Variants in ERAP1 observed in about 807,000 individuals in gnomAD.
ERAP1 encodes the protein adipocyte-derived leucine aminopeptidase.
ERAP1 carries 86 observed loss-of-function variants against 103.7 expected under a neutral mutation model. That is an observed-to-expected ratio of 0.83 (90% CI 0.70 to 0.99). ERAP1 has a LOEUF of 0.99. Ranked by LOEUF, ERAP1 falls within the 50% of genes least tolerant of loss-of-function variation. The pLI, the probability that ERAP1 is intolerant of heterozygous loss-of-function variation, is 0.00. For synonymous variants in ERAP1, 398 were observed against 402.4 expected (o/e 0.99, Z 0.13); for missense variants, 1,009 against 1,128.4 (o/e 0.89, Z 1.52).
chr5:96,814,205 G>C, the ERAP1 span: 1 of 455,670 alleles, frequency 2.2e-6, no homozygotes, highest in South Asian at 1.6e-5. Context: ...CTATCGGATT[G>C]AGAACCTCAG....
chr5:96,784,353 G>A (rs1775688850), intron 13 of ERAP1, among the ~76,000 whole-genome samples: 1 of 152,114 alleles, frequency 6.6e-6, no homozygotes, highest in Non-Finnish European at 1.5e-5. Context: ...AAAATAGGCA[G>A]GCATGGTGGC....
chr5:96,920,989 A>G, the ERAP1 span, among the ~76,000 whole-genome samples: 1 of 152,252 alleles, frequency 6.6e-6, no homozygotes, highest in Non-Finnish European at 1.5e-5. Context: ...ACCAGATGTT[A>G]AACTCTGATC....
the ERAP1 span, among the ~76,000 whole-genome samples, chr5:96,922,851 T>A: frequency 6.6e-6 from 1 of 152,254 alleles, no homozygotes; most frequent in Non-Finnish European, 1.5e-5. Flanking sequence ...CAACTACTAA[T>A]CAAAGCGCAT....
chr5:96,782,136 G>A (rs1187553225), intron 15 of ERAP1, among the ~76,000 whole-genome samples: 6 of 150,666 alleles, frequency 4.0e-5, no homozygotes, highest in Middle Eastern at 3.4e-3. Context: ...TCAGCCTCCC[G>A]AGTAGCTGGG....
At chr5:96,921,040 TG>T in the ERAP1 span, among the ~76,000 whole-genome samples, 98 of 152,384 alleles carry the variant, frequency 6.4e-4, no homozygotes, top group African/African-American at 2.3e-3. Flanking sequence ...GATATGTTTC[TG>T]GATCCTTTAG....
Position 96,790,504 on chromosome 5 carries a change from A to C in ERAP1, c.1452+8T>G. 2 of 1,613,852 alleles carry C rather than the reference A, an allele frequency of 1.2e-6. No homozygotes were observed. Among genetic ancestry groups the C allele is most frequent in the Non-Finnish European group, 1.7e-6 (2 of 1,179,886 alleles). ...CCCAAATGCAGAGATATTCAAAAAC[A>C]TACTCACACTTGCCATACTATCCCA... On this transcript the variant is annotated splice_region_variant and intron_variant, in intron 9 of 18. Transcript: ENST00000443439.
At chr5:96,778,607 G>A (rs1774697757) in intron 18 of ERAP1, among the ~76,000 whole-genome samples, 1 of 152,174 alleles carries the variant, frequency 6.6e-6, no homozygotes, top group South Asian at 2.1e-4. Context: ...TGGACACATG[G>A]GAAGGAGGGA....
At chr5:96,889,124 A>G in the ERAP1 span, 2 of 1,601,074 alleles carry the variant, frequency 1.2e-6, no homozygotes, top group South Asian at 2.2e-5. Flanking sequence ...GAGGGTTATC[A>G]GGAATGGAAT....
At chr5:96,784,495 A>G (rs1775717174) in intron 13 of ERAP1, among the ~76,000 whole-genome samples, 1 of 13,914 alleles carries the variant, frequency 7.2e-5, no homozygotes, top group Admixed American at 5.5e-4. Flanking sequence ...AAAAATAAAT[A>G]AACAAACAGA....
rs112161107 is a variant in ERAP1 at position 96,803,907 on chromosome 5, T to G, written c.20A>C (p.Lys7Thr). 1 of 1,607,694 alleles carries G rather than the reference T, an allele frequency of 6.2e-7. No homozygotes were observed. Among genetic ancestry groups the G allele is most frequent in the Non-Finnish European group, 8.5e-7 (1 of 1,179,996 alleles). Residue 7 changes from lysine to threonine, a missense_variant, in exon 2 of 19, where the codon AAA becomes ACA. Transcript: ENST00000443439. MVFLPL[K>T]WSLATMSFLL... Reference sequence around the variant, plus strand: ...AAATGACATGGTTGCAAGGGACCATTTGAGGGGCAGAAACACCATCTTCTT... The same window carrying G: ...AAATGACATGGTTGCAAGGGACCATGTGAGGGGCAGAAACACCATCTTCTT...
the ERAP1 span, among the ~76,000 whole-genome samples, chr5:96,891,573 A>C: frequency 3.0e-5 from 4 of 133,158 alleles, no homozygotes; most frequent in Middle Eastern, 3.7e-3. Flanking sequence ...CATATATGGT[A>C]CACACACACA....
chr5:96,800,782 G>T, intron 3 of ERAP1, 80 bp downstream of exon 3: 1 of 1,480,190 alleles, frequency 6.8e-7, no homozygotes, highest in Non-Finnish European at 9.4e-7. Context: ...GTGACCCAAT[G>T]TTGACTGTCA....
intron 3 of ERAP1, 133 bp downstream of exon 3, chr5:96,800,729 A>G: frequency 1.0e-6 from 1 of 966,412 alleles, no homozygotes; most frequent in Non-Finnish European, 1.6e-6. Flanking sequence ...TAGGTTATAA[A>G]TGAAAAGTTA....
At chr5:96,840,647 A>T in the ERAP1 span, among the ~76,000 whole-genome samples, 1 of 151,932 alleles carries the variant, frequency 6.6e-6, no homozygotes, top group East Asian at 1.9e-4. Context: ...AAAAATGCTG[A>T]TACTCTGTTA....
the ERAP1 span, among the ~76,000 whole-genome samples, chr5:96,881,815 C>G: frequency 6.6e-6 from 1 of 152,160 alleles, no homozygotes; most frequent in Non-Finnish European, 1.5e-5. Context: ...CCACTTGAAT[C>G]TAACACTCTT....
At chr5:96,774,367 A>C (rs1264737492), downstream of ERAP1, 15 of 310,822 alleles carry the variant, frequency 4.8e-5, no homozygotes, top group Admixed American at 3.2e-4. Flanking sequence ...TTTTAATTAG[A>C]AATATCTTCG....
chr5:96,850,768 A>G, the ERAP1 span, among the ~76,000 whole-genome samples: 24 of 152,306 alleles, frequency 1.6e-4, no homozygotes, highest in South Asian at 5.0e-3. Flanking sequence ...AAAAATAAAA[A>G]TAACTTTTAA....
the ERAP1 span, among the ~76,000 whole-genome samples, chr5:96,851,680 A>G: frequency 3.3e-5 from 5 of 152,076 alleles, no homozygotes; most frequent in African/African-American, 4.8e-5. Context: ...AACAGTCTCA[A>G]TTTTCTGGCA....
At chr5:96,787,931 A>G (rs1483093800) in intron 11 of ERAP1, among the ~76,000 whole-genome samples, 1 of 152,058 alleles carries the variant, frequency 6.6e-6, no homozygotes, top group Non-Finnish European at 1.5e-5. Flanking sequence ...AGGAGTAAAG[A>G]GTTAACATGT....
Sources: allele counts gnomAD v4.1 joint callset (sites outside exome capture counted in the v4.1 genomes callset), GRCh38; gene constraint gnomAD v4.1.1; transcripts MANE v1.5; gene names NCBI Gene and HGNC (gene_info 2026-07-23, HGNC 2026-07-21).